MAOA: variants seen among roughly 807,000 people sequenced by gnomAD.
MAOA encodes amine oxidase [flavin-containing] A.
In MAOA, 6 loss-of-function variants were observed where a neutral mutation model predicts 42.0. That is an observed-to-expected ratio of 0.14 (90% confidence interval 0.08 to 0.28). MAOA has a LOEUF of 0.28. MAOA is among the 10% of genes least tolerant of loss of function. The pLI is 1.00. For synonymous variants in MAOA, 140 were observed against 154.0 expected, an observed-to-expected ratio of 0.91 and a Z score of 0.67; for missense variants, 262 against 422.3, an observed-to-expected ratio of 0.62 and a Z score of 3.33.
intron 1 of MAOA, among the ~76,000 whole-genome samples, chrX:43,667,696 G>A (rs763431707): frequency 2.7e-5 from 3 of 111,377 alleles, no homozygotes; most frequent in East Asian, 2.8e-4. Flanking sequence ...TATATATGCA[G>A]TACATTCAAG....
At chrX:43,670,982 G>C (rs1367831806) in intron 1 of MAOA, among the ~76,000 whole-genome samples, 1 of 105,911 alleles carries the variant, frequency 9.4e-6, no homozygotes, top group African/African-American at 3.5e-5. Flanking sequence ...GGGTCAAATG[G>C]TATTTCTAGT....
chrX:43,660,552 C>A (rs1408796296), intron 1 of MAOA, among the ~76,000 whole-genome samples: 2 of 111,377 alleles, frequency 1.8e-5, no homozygotes, highest in African/African-American at 3.3e-5. Context: ...TATTTAGTCC[C>A]TTCATGCCTT....
chrX:43,724,957 G>T (rs1207936626), intron 5 of MAOA, among the ~76,000 whole-genome samples: 1 of 112,017 alleles, frequency 8.9e-6, no homozygotes, highest in Non-Finnish European at 1.9e-5. Flanking sequence ...AGAGCAGGTT[G>T]TTCAGTTTCC....
At chrX:43,695,294 T>C (rs1196155318) in intron 3 of MAOA, among the ~76,000 whole-genome samples, 4 of 112,254 alleles carry the variant, frequency 3.6e-5, no homozygotes, top group Admixed American at 1.9e-4. Flanking sequence ...GACCACTTTT[T>C]TTCCTACTTT....
chrX:43,731,181 T>C, intron 6 of MAOA, 60 bp from the exon 7 acceptor site: 1 of 1,126,133 alleles, frequency 8.9e-7, no homozygotes, highest in Admixed American at 2.2e-5. Context: ...CAGTAGCCAG[T>C]AGGATTTTCC....
At chrX:43,661,206 G>A (rs1408097184) in intron 1 of MAOA, among the ~76,000 whole-genome samples, 1 of 111,400 alleles carries the variant, frequency 9.0e-6, no homozygotes, top group East Asian at 2.8e-4. Flanking sequence ...TATATACTAA[G>A]CAGTGACTGG....
chrX:43,656,232 A>G (rs1442816652), upstream of MAOA: 2 of 663,774 alleles, frequency 3.0e-6, no homozygotes, highest in African/African-American at 2.2e-5. Flanking sequence ...GTATCAAAAG[A>G]AGGATCGGCT....
rs745875136 is a variant in MAOA at position 43,744,834 on chromosome X, C to T, written c.*321C>T. ...ACAATTTCTGTGTCCTGTTTTTATT[C>T]CCTTCAATGCAAAATACATGATGAT... On this transcript the variant is annotated 3_prime_UTR_variant, in exon 15 of 15. Coordinates refer to ENST00000338702, the MANE Select transcript of MAOA (RefSeq NM_000240.4). 47 of 299,941 alleles carry T rather than the reference C, an allele frequency of 1.6e-4. No homozygotes were observed. The highest frequency in any genetic ancestry group is 5.6e-4 in the South Asian group (13 of 23,313). 24.7% of individuals were successfully genotyped at this position (299,941 alleles called of 1,213,427 possible).
chrX:43,685,902 A>G (rs1316978928), intron 2 of MAOA, among the ~76,000 whole-genome samples: 3 of 111,899 alleles, frequency 2.7e-5, no homozygotes, highest in Non-Finnish European at 5.6e-5. Context: ...GGGAGTGAGG[A>G]GACTGGGATT....
Position 43,746,217 on chromosome X carries a change from T to TAATC in MAOA, c.*1706_*1709dup, listed in dbSNP as rs1352360826. On this transcript the variant is annotated 3_prime_UTR_variant, in exon 15 of 15. Transcript: ENST00000338702. ...TCTTAACTGGCAACAGTTGGAACAG[T>TAATC]AATCAGTTTGCTAACATATTTAAAG... 4.4e-5 allele frequency: 5 copies of TAATC among 112,562 alleles called. No individual in the cohort carries two copies. The highest frequency in any genetic ancestry group is 9.4e-5 in the Non-Finnish European group (5 of 53,348). 9.3% of individuals were successfully genotyped at this position (112,562 alleles called of 1,213,427 possible).
chrX:43,741,124 A>G (rs1601950497), intron 11 of MAOA, among the ~76,000 whole-genome samples: 1 of 111,578 alleles, frequency 9.0e-6, no homozygotes, highest in East Asian at 2.8e-4. Context: ...GTGAAGGCAA[A>G]GTAGTATGTA....
chrX:43,743,801 C>T lies in MAOA; in HGVS notation c.1270C>T (p.Arg424Cys). The change falls in exon 13 of 15, where the codon CGT becomes TGT. Residue 424 changes from arginine (R) to cysteine (C), a missense_variant. Coordinates refer to ENST00000338702, the MANE Select transcript of MAOA (RefSeq NM_000240.4). Reference sequence around the variant, plus strand: ...CTCTTGGTTCCCTTGAAGGGTGATTCGTCAACCCGTGGGCAGGATTTTCTT... The same window carrying T: ...CTCTTGGTTCCCTTGAAGGGTGATTTGTCAACCCGTGGGCAGGATTTTCTT... Reference protein sequence around the residue: ...GIMTQYGRVIRQPVGRIFFAG... With the variant: ...GIMTQYGRVICQPVGRIFFAG... 1.7e-6 allele frequency: 2 copies of T among 1,168,410 alleles called. No individual in the cohort carries two copies. The highest frequency in any genetic ancestry group is 1.1e-6 in the Non-Finnish European group (1 of 873,385).
At chrX:43,676,868 G>T (rs1424217540) in intron 1 of MAOA, among the ~76,000 whole-genome samples, 2 of 109,939 alleles carry the variant, frequency 1.8e-5, no homozygotes, top group African/African-American at 6.6e-5. Context: ...TGTGACAGAT[G>T]ACTATATTGA....
intron 3 of MAOA, among the ~76,000 whole-genome samples, chrX:43,708,948 C>T (rs1266818101): frequency 9.0e-6 from 1 of 110,609 alleles, no homozygotes; most frequent in African/African-American, 3.3e-5. Context: ...GCAACCTCTG[C>T]CTCCTGGGTT....
intron 3 of MAOA, among the ~76,000 whole-genome samples, chrX:43,708,815 A>G (rs1236722877): frequency 9.2e-6 from 1 of 108,611 alleles, no homozygotes; most frequent in Non-Finnish European, 1.9e-5. Flanking sequence ...GGTGCCTGCC[A>G]CCATGCCCGG....
intron 2 of MAOA, among the ~76,000 whole-genome samples, chrX:43,687,846 G>T (rs1054891876): frequency 1.8e-5 from 2 of 112,568 alleles, no homozygotes; most frequent in Admixed American, 1.9e-4. Context: ...AAATTCCGTT[G>T]GCCCTGCCTT....
rs2033239951 is a variant in MAOA, at chrX:43,662,278, TA to T, written c.73+5870del. Reference sequence around the variant, plus strand: ...GCCCCTAATTTATATTTTATTTTTCTAAAAAATAAACTAGGGTGTTTTTACT... The same window carrying T: ...GCCCCTAATTTATATTTTATTTTTCTAAAAATAAACTAGGGTGTTTTTACT... On this transcript the variant is annotated intron_variant, in intron 1 of 14. Transcript: ENST00000338702. Among the ~76,000 whole-genome samples the T allele has an allele frequency of 6.3e-5, 7 of 111,688 alleles. No homozygotes were observed. The South Asian group carries it at 2.6e-3, about 41-fold the overall frequency.
chrX:43,690,643 T>G (rs1158941061), intron 2 of MAOA, among the ~76,000 whole-genome samples: 2 of 112,004 alleles, frequency 1.8e-5, no homozygotes, highest in East Asian at 5.5e-4. Context: ...AGGACTTAAG[T>G]CTACTTCTAC....
At chrX:43,698,267 G>A (rs12849959) in intron 3 of MAOA, among the ~76,000 whole-genome samples, 1 of 111,766 alleles carries the variant, frequency 8.9e-6, no homozygotes, top group Non-Finnish European at 1.9e-5. Flanking sequence ...GCTTACTCTA[G>A]GATGGTTTTT....
Sources: gnomAD v4.1 joint callset for allele counts (sites outside exome capture counted in the v4.1 genomes callset) on GRCh38, gnomAD v4.1.1 for gene constraint, MANE v1.5 for transcripts, NCBI Gene and HGNC (gene_info 2026-07-23, HGNC 2026-07-21) for gene names.